Variants in ADAM32 observed in about 807,000 individuals in gnomAD.
ADAM32 encodes the protein ADAM metallopeptidase domain 32, also known as disintegrin and metalloproteinase domain-containing protein 32.
Under a neutral mutation model 114.9 loss-of-function variants are expected in ADAM32, and 89 were observed. The ratio of observed to expected loss-of-function variants is 0.77; its 90% confidence interval spans 0.65 to 0.92. The LOEUF (loss-of-function observed/expected upper bound fraction) is 0.92. ADAM32 is among the 40% of genes least tolerant of loss of function. The pLI, the probability that ADAM32 is intolerant of heterozygous loss-of-function variation, is 0.00. For synonymous variants in ADAM32, 285 were observed against 307.5 expected, an observed-to-expected ratio of 0.93 and a Z score of 0.77; for missense variants, 870 against 932.8, an observed-to-expected ratio of 0.93 and a Z score of 0.88.
rs560064569 is a variant in ADAM32, at chr8:39,185,287, A to T, written c.916-1622A>T. 3.3e-5 allele frequency among the ~76,000 whole-genome samples: 5 copies of T among 150,302 alleles called. No homozygotes were observed. The East Asian group carries it at 9.8e-4, about 29-fold the overall frequency. On this transcript the variant is annotated intron_variant, in intron 10 of 24. Transcript: ENST00000379907. ...TCTCAAAAAAAAAAAAAAAATTCCA[A>T]CTGGTTTCAGAGAACCAAGATCCAT...
chr8:39,247,737 A>G (rs1209170860), intron 17 of ADAM32, among the ~76,000 whole-genome samples: 1 of 146,918 alleles, frequency 6.8e-6, no homozygotes, highest in Non-Finnish European at 1.5e-5. Context: ...TGCCTTCAGT[A>G]TTGTATCTAA....
chr8:39,228,130 G>A (rs1809512560), intron 14 of ADAM32, among the ~76,000 whole-genome samples: 2 of 152,278 alleles, frequency 1.3e-5, no homozygotes, highest in South Asian at 4.1e-4. Context: ...GGAAAACGGG[G>A]AGAGTACTAC....
rs571547184 is a variant in ADAM32, at chr8:39,132,712, A to G, written c.139-3945A>G. Reference sequence around the variant, plus strand: ...AGACAGGACTTTATTTCACCATTTTAAAAGCAGATTTTGCTGGATATAAAA... The same window carrying G: ...AGACAGGACTTTATTTCACCATTTTGAAAGCAGATTTTGCTGGATATAAAA... On this transcript the variant is annotated intron_variant, in intron 2 of 24. Transcript: ENST00000379907. Among the ~76,000 whole-genome samples, 3 of 152,210 alleles carry G rather than the reference A, an allele frequency of 2.0e-5. No individual in the cohort carries two copies. The South Asian group carries it at 6.2e-4, about 32-fold the overall frequency.
At chr8:39,273,830 C>T (rs1278553836) in intron 20 of ADAM32, among the ~76,000 whole-genome samples, 4 of 151,380 alleles carry the variant, frequency 2.6e-5, no homozygotes, top group East Asian at 1.9e-4. Flanking sequence ...CTCCTCTATG[C>T]GAGGAATGGA....
chr8:39,234,236 G>A (rs796862674), intron 16 of ADAM32, among the ~76,000 whole-genome samples, 154 bp downstream of exon 16: 10 of 152,054 alleles, frequency 6.6e-5, no homozygotes, highest in African/African-American at 2.2e-4. Flanking sequence ...CAAATAGTAA[G>A]AGGGAAATGG....
chr8:39,111,977 CATAT>C (rs897441307), intron 1 of ADAM32, among the ~76,000 whole-genome samples: 2 of 151,978 alleles, frequency 1.3e-5, no homozygotes, highest in Admixed American at 6.6e-5. Context: ...TATTTATAAA[CATAT>C]ATATTTCTGG....
intron 11 of ADAM32, among the ~76,000 whole-genome samples, chr8:39,196,030 G>A (rs755047761): frequency 1.4e-4 from 21 of 151,976 alleles, no homozygotes; most frequent in East Asian, 9.6e-4. Context: ...TCTCTGTTTC[G>A]TAGTTTTTGT....
intron 11 of ADAM32, among the ~76,000 whole-genome samples, chr8:39,188,555 A>G (rs959997864): frequency 5.3e-5 from 8 of 152,188 alleles, no homozygotes; most frequent in African/African-American, 1.9e-4. Flanking sequence ...TTTACATTGT[A>G]CTTACTATGT....
At chr8:39,232,286 C>T (rs183677896) in intron 15 of ADAM32, among the ~76,000 whole-genome samples, 151 bp downstream of exon 15, 1 of 152,162 alleles carries the variant, frequency 6.6e-6, no homozygotes, top group African/African-American at 2.4e-5. Context: ...CCTGACACCT[C>T]TTTTGTGCTG....
At chr8:39,156,419 A>G (rs1019546743) in intron 6 of ADAM32, among the ~76,000 whole-genome samples, 5 of 152,254 alleles carry the variant, frequency 3.3e-5, no homozygotes, top group Admixed American at 1.3e-4. Flanking sequence ...TGCCAGGAGT[A>G]TAAGTGTAAG....
At chr8:39,185,974 C>T (rs1049615952) in intron 10 of ADAM32, among the ~76,000 whole-genome samples, 2 of 151,622 alleles carry the variant, frequency 1.3e-5, no homozygotes, top group African/African-American at 2.4e-5. Context: ...TCCAATTGTT[C>T]GCCTCCCAAG....
chr8:39,218,572 C>A (rs879570546), intron 12 of ADAM32, among the ~76,000 whole-genome samples: 2 of 151,982 alleles, frequency 1.3e-5, no homozygotes, highest in Non-Finnish European at 2.9e-5. Context: ...TCTGGCATTC[C>A]AACCACTTGA....
intron 15 of ADAM32, 52 bp from the exon 16 acceptor site, chr8:39,233,847 T>C: frequency 8.5e-7 from 1 of 1,171,924 alleles, no homozygotes; most frequent in Non-Finnish European, 1.1e-6. Flanking sequence ...TCCAAAGCAT[T>C]CCTAATAAAT....
intron 11 of ADAM32, among the ~76,000 whole-genome samples, chr8:39,207,232 C>A (rs749327014): frequency 4.6e-5 from 7 of 152,044 alleles, no homozygotes; most frequent in Non-Finnish European, 1.0e-4. Flanking sequence ...GCTCTTAGAA[C>A]CTCTATTTAA....
chr8:39,146,612 T>C (rs1489146515), intron 3 of ADAM32, among the ~76,000 whole-genome samples: 1 of 152,122 alleles, frequency 6.6e-6, no homozygotes, highest in African/African-American at 2.4e-5. Flanking sequence ...GGTTTCACCA[T>C]GTTGGCCAGG....
intron 6 of ADAM32, among the ~76,000 whole-genome samples, chr8:39,159,750 C>A (rs1804369192): frequency 6.6e-6 from 1 of 152,140 alleles, no homozygotes; most frequent in African/African-American, 2.4e-5. Context: ...TTGAGCAAAA[C>A]CTTTAGGGAG....
intron 16 of ADAM32, among the ~76,000 whole-genome samples, chr8:39,239,346 A>T (rs926200302): frequency 1.3e-5 from 2 of 152,320 alleles, no homozygotes; most frequent in Middle Eastern, 3.4e-3. Context: ...GGAAAGATAA[A>T]GTCTTTTTCA....
At chr8:39,120,022 A>G (rs1840527045) in intron 2 of ADAM32, among the ~76,000 whole-genome samples, 1 of 152,224 alleles carries the variant, frequency 6.6e-6, no homozygotes, top group Admixed American at 6.5e-5. Context: ...AGGATACAAC[A>G]AGAAGGCAGC....
At chr8:39,133,188 A>G (rs1434701716) in intron 2 of ADAM32, among the ~76,000 whole-genome samples, 4 of 151,988 alleles carry the variant, frequency 2.6e-5, no homozygotes, top group Non-Finnish European at 5.9e-5. Flanking sequence ...TGCCATCCTT[A>G]TGGTAATTAG....
Sources: allele counts gnomAD v4.1 joint callset (sites outside exome capture counted in the v4.1 genomes callset), GRCh38; gene constraint gnomAD v4.1.1; transcripts MANE v1.5; gene names NCBI Gene and HGNC (gene_info 2026-07-23, HGNC 2026-07-21).